GYPE: variants seen among roughly 807,000 people sequenced by gnomAD.
GYPE encodes glycophorin E (MNS blood group), also known as glycophorin-E.
Under a neutral mutation model 11.6 loss-of-function variants are expected in GYPE, and 8 were observed. That is an observed-to-expected ratio of 0.69 (90% confidence interval 0.41 to 1.25). The LOEUF is 1.25. Among genes scored for constraint, GYPE ranks in the 50% most tolerant of loss-of-function variants. GYPE has a pLI of 0.01. For synonymous variants in GYPE, 28 were observed against 29.6 expected, an observed-to-expected ratio of 0.94 and a Z score of 0.18; for missense variants, 90 against 92.8, an observed-to-expected ratio of 0.97 and a Z score of 0.12.
chr4:143,881,096 A>G (rs1048424549), intron 1 of GYPE, among the ~76,000 whole-genome samples: 4 of 151,728 alleles, frequency 2.6e-5, no homozygotes, highest in African/African-American at 4.8e-5. Flanking sequence ...ATAAAACACT[A>G]TTACATTGCA....
intron 1 of GYPE, among the ~76,000 whole-genome samples, chr4:143,895,960 A>C (rs1744612693): frequency 6.6e-6 from 1 of 152,056 alleles, no homozygotes; most frequent in Admixed American, 6.6e-5. Flanking sequence ...CCATATGTAG[A>C]AAGCTGAAAC....
At chr4:143,895,118 C>T (rs1157184869) in intron 1 of GYPE, among the ~76,000 whole-genome samples, 2 of 152,160 alleles carry the variant, frequency 1.3e-5, no homozygotes, top group Admixed American at 1.3e-4. Flanking sequence ...CCCTCTCTCA[C>T]CACTCCTATT....
rs1467162954 is a variant in GYPE at position 143,892,588 on chromosome 4, AG to A, written c.38-12080del. Among the ~76,000 whole-genome samples, 3 of 152,052 alleles carry A rather than the reference AG, an allele frequency of 2.0e-5. No individual in the cohort carries two copies. In the East Asian group the frequency reaches 5.8e-4, roughly 29 times the overall value. ...ATGTACCCAGTAGTCATTCAGGAGC[AG>A]GTTGTTCAGTTTCCATGTAGTTGAG... On this transcript the variant is annotated intron_variant, in intron 1 of 3. Coordinates refer to ENST00000358615, the MANE Select transcript of GYPE (RefSeq NM_198682.3).
At chr4:143,885,321 T>TA (rs776394358) in intron 1 of GYPE, among the ~76,000 whole-genome samples, 10 of 152,186 alleles carry the variant, frequency 6.6e-5, no homozygotes, top group Non-Finnish European at 1.3e-4. Flanking sequence ...AACTGTTTTA[T>TA]AAAAATGAAA....
At chr4:143,895,108 C>A (rs886335260) in intron 1 of GYPE, among the ~76,000 whole-genome samples, 6 of 152,200 alleles carry the variant, frequency 3.9e-5, no homozygotes, top group African/African-American at 1.4e-4. Flanking sequence ...GACAGGGATG[C>A]CCTCTCTCAC....
At chr4:143,902,328 T>G (rs1263533327) in intron 1 of GYPE, among the ~76,000 whole-genome samples, 2 of 113,050 alleles carry the variant, frequency 1.8e-5, no homozygotes, top group East Asian at 5.6e-4. Flanking sequence ...AAGGCTCTCT[T>G]CTTGGATCCC....
At chr4:143,903,524 C>CAAAAAAAAAAAAAAAAAAA (rs11400558) in intron 1 of GYPE, among the ~76,000 whole-genome samples, 31 of 98,814 alleles carry the variant, frequency 3.1e-4, no homozygotes, top group African/African-American at 4.0e-4. Flanking sequence ...TTTTTCATAG[C>CAAAAAAAAAAAAAAAAAAA]AAAAAAAAAA....
rs1022085716 is a variant in GYPE, at chr4:143,892,568, C to T, written c.38-12059G>A. On this transcript the variant is annotated intron_variant, in intron 1 of 3. Coordinates refer to ENST00000358615, the MANE Select transcript of GYPE (RefSeq NM_198682.3). ...ATTTCTGCCTTCATTTCGTTATGTA[C>T]CCAGTAGTCATTCAGGAGCAGGTTG... 1.1e-3 allele frequency among the ~76,000 whole-genome samples: 173 copies of T among 151,830 alleles called. 3 individuals are homozygous for T. The East Asian group carries it at 0.027, about 23-fold the overall frequency.
intron 1 of GYPE, among the ~76,000 whole-genome samples, chr4:143,898,538 T>G (rs377275006): frequency 1.3e-5 from 2 of 152,164 alleles, no homozygotes; most frequent in African/African-American, 4.8e-5. Flanking sequence ...ATGGACCATT[T>G]TAGCCCAATA....
intron 1 of GYPE, among the ~76,000 whole-genome samples, chr4:143,901,140 A>G (rs1319207615): frequency 1.3e-5 from 2 of 152,170 alleles, no homozygotes; most frequent in South Asian, 2.1e-4. Flanking sequence ...TGGAAATACC[A>G]AAGTTGATCA....
At chr4:143,891,946 C>T (rs1179091633) in intron 1 of GYPE, among the ~76,000 whole-genome samples, 1 of 152,092 alleles carries the variant, frequency 6.6e-6, no homozygotes, top group Non-Finnish European at 1.5e-5. Flanking sequence ...GTCCTGGACT[C>T]TTTTTGGTTG....
intron 3 of GYPE, among the ~76,000 whole-genome samples, chr4:143,874,799 G>C (rs1383856817): frequency 6.6e-6 from 1 of 152,172 alleles, no homozygotes; most frequent in Non-Finnish European, 1.5e-5. Context: ...AAGATCTGCT[G>C]TGTCCTGGAG....
intron 1 of GYPE, among the ~76,000 whole-genome samples, chr4:143,880,851 A>T (rs1047792018): frequency 6.6e-6 from 1 of 152,258 alleles, no homozygotes; most frequent in South Asian, 2.1e-4. Flanking sequence ...GTGTGTGTGT[A>T]TGTGATGTGC....
chr4:143,885,119 T>C (rs969321224), intron 1 of GYPE, among the ~76,000 whole-genome samples: 1 of 151,838 alleles, frequency 6.6e-6, no homozygotes, highest in African/African-American at 2.4e-5. Context: ...TTCTTAACAT[T>C]CCTTTGGTGG....
chr4:143,875,384 A>G, intron 3 of GYPE: 1 of 1,349,046 alleles, frequency 7.4e-7, no homozygotes. Flanking sequence ...ACAGGGAGTT[A>G]GGATAGCCAA....
intron 1 of GYPE, among the ~76,000 whole-genome samples, chr4:143,900,425 A>C (rs2149916652): frequency 8.2e-6 from 1 of 121,518 alleles, no homozygotes; most frequent in East Asian, 2.3e-4. Flanking sequence ...ATGACCCAGA[A>C]ATTCTACCCC....
In GYPE at chr4:143,898,332, G is replaced by A. The variant is rs1294610068; in HGVS notation, c.37+7139C>T. ...GCAGAGGTTGCAGTGAGCTGAGATC[G>A]TGCCACTGCACTCCAGCCTGGGCGA... On this transcript the variant is annotated intron_variant, in intron 1 of 3. Coordinates refer to ENST00000358615, the MANE Select transcript of GYPE (RefSeq NM_198682.3). Among the ~76,000 whole-genome samples, 5 of 152,250 alleles carry A rather than the reference G, an allele frequency of 3.3e-5. No homozygotes were observed. In the East Asian group the frequency reaches 5.8e-4, roughly 18 times the overall value.
chr4:143,875,892 T>G (rs964033254), intron 3 of GYPE, among the ~76,000 whole-genome samples: 1 of 151,726 alleles, frequency 6.6e-6, no homozygotes, highest in Non-Finnish European at 1.5e-5. Flanking sequence ...GAGAATCACT[T>G]GAACCAGGGA....
intron 1 of GYPE, among the ~76,000 whole-genome samples, chr4:143,901,776 C>T (rs1002820548): frequency 6.6e-6 from 1 of 151,778 alleles, no homozygotes; most frequent in Admixed American, 6.6e-5. Context: ...CTTCTAGAAA[C>T]CAAGGTGAAA....
Sources: allele counts gnomAD v4.1 joint callset (sites outside exome capture counted in the v4.1 genomes callset), GRCh38; gene constraint gnomAD v4.1.1; transcripts MANE v1.5; gene names NCBI Gene and HGNC (gene_info 2026-07-23, HGNC 2026-07-21).